The following FBXO17 variants were observed in gnomAD, a reference collection of about 807,000 sequenced individuals.
The protein encoded by FBXO17 is F-box protein 17.
Under a neutral mutation model 34.1 loss-of-function variants are expected in FBXO17, and 43 were observed. That is an observed-to-expected ratio of 1.26 (90% confidence interval 0.99 to 1.62). The LOEUF (loss-of-function observed/expected upper bound fraction) is 1.62, where lower values mean the gene tolerates loss of function less well. FBXO17 is among the 40% of genes most tolerant of loss of function. The pLI is 0.00. For synonymous variants in FBXO17, 169 were observed against 166.0 expected (o/e 1.02, Z -0.14); for missense variants, 424 against 386.7 (o/e 1.10, Z -0.81).
In FBXO17 at chr19:38,975,430, C is replaced by G. The variant is rs1975448290; in HGVS notation, c.-18+156G>C. ...AGGAGCCTCAGGCCGAGGGAGGGCC[C>G]GGGAAAGCGACGCTGCGGGTTATGG... On this transcript the variant is annotated intron_variant, in intron 1 of 5. Coordinates refer to ENST00000292852, the MANE Select transcript of FBXO17 (RefSeq NM_024907.7). The surrounding 1 kb of genome is among the most constrained non-coding windows in gnomAD (Gnocchi z 4.9). 6.6e-6 allele frequency among the ~76,000 whole-genome samples: 1 copy of G among 152,174 alleles called. No homozygotes were observed. Among genetic ancestry groups the G allele is most frequent in the Non-Finnish European group, 1.5e-5 (1 of 68,022 alleles).
At position 38,944,969 on chromosome 19, in the gene FBXO17, CT is replaced by C. The variant is rs1189969809; in HGVS notation, c.692del (p.Gln231ArgfsTer25). The stretch of plus-strand genomic sequence containing the variant: ...GAGCTGGAAGCTAGTCTGGACCCAC[CT>C]GTCGGCAGCCCCTCTCAGTCCACTG... ...VLQWTERGCR[Q>X]VSHVFTNFGK... On this transcript the variant is annotated frameshift_variant and splice_region_variant, in exon 5 of 6. Transcript: ENST00000292852. LOFTEE classifies it high-confidence loss of function. 1.2e-6 allele frequency: 2 copies of C among 1,614,142 alleles called. No homozygotes were observed. Among genetic ancestry groups the C allele is most frequent in the Non-Finnish European group, 1.7e-6 (2 of 1,180,000 alleles).
At chr19:38,946,763 A>G in intron 3 of FBXO17, 196 bp from the exon 4 acceptor site, 1 of 748,092 alleles carries the variant, frequency 1.3e-6, no homozygotes, top group South Asian at 1.9e-5. Context: ...GCCATTCTCC[A>G]CCCTGCTGCG....
At chr19:38,963,982 C>T (rs1384117534) in intron 1 of FBXO17, among the ~76,000 whole-genome samples, 3 of 152,008 alleles carry the variant, frequency 2.0e-5, no homozygotes, top group Non-Finnish European at 2.9e-5. Context: ...CAGGGTTTCA[C>T]CATGTTGGCC....
chr19:38,952,819 C>A, intron 1 of FBXO17: 1 of 457,360 alleles, frequency 2.2e-6, no homozygotes. Context: ...CTCTTCAGAA[C>A]CTCAATCTCA....
At chr19:38,952,172 C>G (rs1654862582) in intron 1 of FBXO17, among the ~76,000 whole-genome samples, 1 of 152,078 alleles carries the variant, frequency 6.6e-6, no homozygotes, top group South Asian at 2.1e-4. Context: ...GTCTCAAACT[C>G]CTGACCTCAA....
intron 1 of FBXO17, among the ~76,000 whole-genome samples, chr19:38,952,346 A>G (rs954660172): frequency 6.6e-6 from 1 of 152,124 alleles, no homozygotes; most frequent in African/African-American, 2.4e-5. Flanking sequence ...CCATACCCCA[A>G]TGTGTGCCAG....
rs780947514 is a variant in FBXO17, at chr19:38,945,085, A to G, written c.577T>C (p.Cys193Arg). 6.2e-7 allele frequency: 1 copy of G among 1,614,172 alleles called. No individual in the cohort carries two copies. The highest frequency in any genetic ancestry group is 8.5e-7 in the Non-Finnish European group (1 of 1,180,026). Reference sequence around the variant, plus strand: ...ACCCGGAGCTGGTAGACGCAGCCGCAGTTCTCTCGAGCGCCCCACCTGCCA... The same window carrying G: ...ACCCGGAGCTGGTAGACGCAGCCGCGGTTCTCTCGAGCGCCCCACCTGCCA... Reference protein sequence around the residue: ...VADWWGARENCGCVYQLRVRL... With the variant: ...VADWWGARENRGCVYQLRVRL... The change falls in exon 5 of 6, where the codon TGC becomes CGC. Residue 193 changes from cysteine (C) to arginine (R), a missense_variant. Cys to Arg is a radical substitution (Grantham distance 180, BLOSUM62 -3). Transcript: ENST00000292852.
chr19:38,949,724 G>C (rs1458114718), intron 2 of FBXO17: 3 of 577,846 alleles, frequency 5.2e-6, no homozygotes, highest in Admixed American at 3.3e-5. Flanking sequence ...CAAACTACTT[G>C]CTTTCTCCCC....
intron 1 of FBXO17, chr19:38,952,756 C>G: frequency 2.2e-6 from 1 of 462,796 alleles, no homozygotes; most frequent in South Asian, 1.5e-5. Flanking sequence ...TTTTTCCTTC[C>G]CCAACATCTC....
At chr19:38,949,126 A>C (rs1212263771) in intron 2 of FBXO17, among the ~76,000 whole-genome samples, 1 of 151,428 alleles carries the variant, frequency 6.6e-6, no homozygotes, top group Non-Finnish European at 1.5e-5. Context: ...TTTGAGATGG[A>C]GTTTCAATCT....
Position 38,950,081 on chromosome 19 carries a change from C to A in FBXO17, c.239G>T (p.Arg80Leu). 6.4e-7 allele frequency: 1 copy of A among 1,567,058 alleles called. No individual in the cohort carries two copies. Among genetic ancestry groups the A allele is most frequent in the East Asian group, 2.4e-5 (1 of 41,924 alleles). The change falls in exon 2 of 6, where the codon CGC (arginine) becomes CTC (leucine). Residue 80 changes from arginine to leucine, a missense_variant. Physicochemically the swap from Arg to Leu is moderately radical, Grantham distance 102. Transcript: ENST00000292852. ...EGRALYAVAQ[R>L]CLPSNEDKEE... ...CTTGTCTTCGTTGCTGGGCAGGCAG[C>A]GTTGAGCCACTGCGTAGAGTGCGCG... is the stretch of plus-strand genomic sequence containing the variant.
In FBXO17 at chr19:38,975,300, G is replaced by A. The variant is rs1975446231; in HGVS notation, c.-18+286C>T. On this transcript the variant is annotated intron_variant, in intron 1 of 5. Transcript: ENST00000292852. This position sits in a 1 kb window ranked among gnomAD's most constrained non-coding sequence, Gnocchi z 4.9. ...GTTTTGGATGGTGGCCTCCGCGGAC[G>A]AGCGCAGGGATGGAGAGGCCTGGGC... 6.6e-6 allele frequency among the ~76,000 whole-genome samples: 1 copy of A among 152,242 alleles called. No homozygotes were observed. The highest frequency in any genetic ancestry group is 2.4e-5 in the African/African-American group (1 of 41,464).
Position 38,941,759 on chromosome 19 carries a change from C to T in FBXO17, c.*849G>A, listed in dbSNP as rs902480385. 6.6e-6 allele frequency: 1 copy of T among 152,178 alleles called. No individual in the cohort carries two copies. Among genetic ancestry groups the T allele is most frequent in the South Asian group, 2.1e-4 (1 of 4,828 alleles). The allele number at this position is 152,178 out of a possible 1,614,324, so 9.4% of individuals were successfully genotyped here. A position where few individuals can be genotyped will look rare whatever the true frequency, so the allele number is the denominator to read the frequency against. Reference sequence around the variant, plus strand: ...GGGGTCATGGCCATCACAAACATGTCACAGTGCTGCAGATATTTTGTTTAT... The same window carrying T: ...GGGGTCATGGCCATCACAAACATGTTACAGTGCTGCAGATATTTTGTTTAT... On this transcript the variant is annotated 3_prime_UTR_variant, in exon 6 of 6. Transcript: ENST00000292852.
intron 1 of FBXO17, among the ~76,000 whole-genome samples, chr19:38,966,256 C>T (rs1406588019): frequency 4.6e-5 from 7 of 150,954 alleles, no homozygotes; most frequent in African/African-American, 1.7e-4. Flanking sequence ...AGGCATGAGC[C>T]ACCATGCCCG....
At chr19:38,959,276 TTTCTTTC>T (rs1036268699) in intron 1 of FBXO17, among the ~76,000 whole-genome samples, 9 of 56,830 alleles carry the variant, frequency 1.6e-4, no homozygotes, top group African/African-American at 6.1e-4. Context: ...TCTTTCTTTC[TTTCTTTC>T]TTTTTTTTTT....
At chr19:38,943,383 C>T (rs1247435388) in intron 5 of FBXO17, among the ~76,000 whole-genome samples, 1 of 148,312 alleles carries the variant, frequency 6.7e-6, no homozygotes, top group Non-Finnish European at 1.5e-5. Flanking sequence ...AAGCGATTCT[C>T]CTGTCTCAGC....
At chr19:38,944,877 C>T (rs1185669701) in intron 5 of FBXO17, 92 bp downstream of exon 5, 3 of 1,538,138 alleles carry the variant, frequency 2.0e-6, no homozygotes, top group Non-Finnish European at 2.7e-6. Context: ...TATAGATATC[C>T]AGGAGTGACA....
chr19:38,947,189 C>T (rs946292359), intron 3 of FBXO17: 1 of 153,304 alleles, frequency 6.5e-6, no homozygotes, highest in Non-Finnish European at 1.5e-5. Context: ...CTGCCTACAA[C>T]TTTGTAAACA....
At chr19:38,943,976 C>T (rs1201397770) in intron 5 of FBXO17, among the ~76,000 whole-genome samples, 1 of 152,202 alleles carries the variant, frequency 6.6e-6, no homozygotes, top group Non-Finnish European at 1.5e-5. Context: ...TAATTCCCAT[C>T]ACCCCAGGAA....
Sources: gnomAD v4.1 joint callset for allele counts (sites outside exome capture counted in the v4.1 genomes callset) on GRCh38, gnomAD v4.1.1 for gene constraint, Gnocchi (gnomAD v3.1) non-coding constraint, MANE v1.5 for transcripts, NCBI Gene and HGNC (gene_info 2026-07-23, HGNC 2026-07-21) for gene names.